Variants in TMEM116 observed in about 807,000 individuals in gnomAD.
TMEM116 encodes transmembrane protein 116.
A neutral mutation model predicts 44.3 loss-of-function variants in TMEM116; 38 were observed. The observed-to-expected ratio is 0.86, with a 90% confidence interval of 0.66 to 1.12. The LOEUF (loss-of-function observed/expected upper bound fraction) is 1.12. Among genes scored for constraint, TMEM116 ranks in the 50% most tolerant of loss-of-function variants. The pLI, the probability that TMEM116 is intolerant of heterozygous loss-of-function variation, is 0.00. For missense variants in TMEM116, 354 were observed against 401.7 expected, an observed-to-expected ratio of 0.88 and a Z score of 1.01; for synonymous variants, 132 against 144.8, an observed-to-expected ratio of 0.91 and a Z score of 0.64.
chr12:111,978,602 G>A (rs1054725864), intron 4 of TMEM116: 3 of 223,646 alleles, frequency 1.3e-5, no homozygotes, highest in African/African-American at 7.0e-5. Context: ...TAGCTCCTAA[G>A]GGTGGAGGCT....
At position 111,963,731 on chromosome 12, in the gene TMEM116, G is replaced by A. The variant is rs376764220; in HGVS notation, c.211-20362C>T. ...ACCTAATGGAGATGATGGGTAGATG[G>A]GTGCAGCAAACCACCATGGCACATG... On this transcript the variant is annotated intron_variant, in intron 4 of 10. Coordinates refer to ENST00000552374, the MANE Select transcript of TMEM116 (RefSeq NM_001193531.2). 2.0e-5 allele frequency among the ~76,000 whole-genome samples: 3 copies of A among 152,096 alleles called. No individual in the cohort carries two copies. The East Asian group carries it at 5.8e-4, about 29-fold the overall frequency.
Position 111,932,615 on chromosome 12 carries a change from T to C in TMEM116, c.778A>G (p.Lys260Glu), listed in dbSNP as rs146086311. 1,637 of 1,614,162 alleles carry C rather than the reference T, an allele frequency of 1.0e-3. 11 individuals are homozygous for C. In the African/African-American group the frequency reaches 0.018, roughly 17 times the overall value. Residue 260 changes from lysine to glutamate, a missense_variant, in exon 10 of 11, where the codon AAG becomes GAG. Physicochemically the swap from Lys to Glu is moderately conservative, Grantham distance 56. Coordinates refer to ENST00000552374, the MANE Select transcript of TMEM116 (RefSeq NM_001193531.2). ...AGAACATAAAGGGCCATGTGAAGCT[T>C]GGTGTCCTGTGGCTTAGTCAGCTTT... ...IIKLTKPQDT[K>E]LHMALYVLQA...
chr12:111,953,840 T>TGAACAA (rs2136329589), intron 4 of TMEM116, among the ~76,000 whole-genome samples: 2 of 152,298 alleles, frequency 1.3e-5, no homozygotes, highest in South Asian at 4.1e-4. Context: ...CCTCAATAGC[T>TGAACAA]TACTTAGTTC....
intron 4 of TMEM116, among the ~76,000 whole-genome samples, chr12:111,951,058 C>T (rs1353046812): frequency 6.6e-6 from 1 of 152,116 alleles, no homozygotes; most frequent in African/African-American, 2.4e-5. Flanking sequence ...ATACATGCAG[C>T]CAACAAGCAT....
chr12:111,953,156 A>G (rs1358886715), intron 4 of TMEM116, among the ~76,000 whole-genome samples: 1 of 152,168 alleles, frequency 6.6e-6, no homozygotes, highest in Admixed American at 6.5e-5. Context: ...GCAAAATTAA[A>G]CTTAACAATA....
chr12:111,985,331 GC>G (rs945081860), intron 4 of TMEM116, among the ~76,000 whole-genome samples: 1 of 151,794 alleles, frequency 6.6e-6, no homozygotes, highest in African/African-American at 2.4e-5. Context: ...ATAGAATTCA[GC>G]CAAGTAGCCA....
chr12:111,964,207 G>A (rs1407273119), intron 4 of TMEM116, among the ~76,000 whole-genome samples: 1 of 151,416 alleles, frequency 6.6e-6, no homozygotes, highest in Non-Finnish European at 1.5e-5. Context: ...TTGGGAGGCT[G>A]AGGTGGGCGG....
chr12:111,995,068 G>A (rs1416296496), intron 3 of TMEM116, among the ~76,000 whole-genome samples: 1 of 152,118 alleles, frequency 6.6e-6, no homozygotes, highest in Admixed American at 6.5e-5. Context: ...ATCACGCACT[G>A]TTGGCTCATT....
At chr12:111,939,805 G>C (rs2136247372) in intron 5 of TMEM116, among the ~76,000 whole-genome samples, 1 of 152,138 alleles carries the variant, frequency 6.6e-6, no homozygotes, top group Admixed American at 6.6e-5. Flanking sequence ...TCCAGCGTGA[G>C]TGACAGAGTG....
chr12:111,991,667 T>C, intron 4 of TMEM116, 91 bp downstream of exon 4: 2 of 1,282,768 alleles, frequency 1.6e-6, no homozygotes, highest in Non-Finnish European at 2.1e-6. Flanking sequence ...AACAAATACG[T>C]CTCCACTTCC....
chr12:111,936,493 TTCTC>T, intron 8 of TMEM116, 195 bp downstream of exon 8: 1 of 533,108 alleles, frequency 1.9e-6, no homozygotes, highest in Admixed American at 3.8e-5. Flanking sequence ...ACAAGCTCTT[TTCTC>T]TCTCTTATCA....
At chr12:111,960,192 A>C (rs1470463289) in intron 4 of TMEM116, among the ~76,000 whole-genome samples, 1 of 152,186 alleles carries the variant, frequency 6.6e-6, no homozygotes, top group Non-Finnish European at 1.5e-5. Flanking sequence ...CAGGATTAAG[A>C]AACTCACTCA....
At chr12:111,941,740 G>C (rs1014515216) in intron 5 of TMEM116, among the ~76,000 whole-genome samples, 12 of 152,036 alleles carry the variant, frequency 7.9e-5, no homozygotes, top group African/African-American at 2.2e-4. Context: ...CTTAAAGCAA[G>C]AAAGAGTAAG....
chr12:111,987,224 G>A (rs1198664315), intron 4 of TMEM116, among the ~76,000 whole-genome samples: 1 of 152,110 alleles, frequency 6.6e-6, no homozygotes, highest in African/African-American at 2.4e-5. Flanking sequence ...TGGGGAAGGG[G>A]CTGGGCATGG....
At chr12:111,945,343 C>CAAAAA (rs917839133) in intron 4 of TMEM116, among the ~76,000 whole-genome samples, 6 of 33,826 alleles carry the variant, frequency 1.8e-4, no homozygotes, top group East Asian at 5.5e-4. Flanking sequence ...GACTCCATCT[C>CAAAAA]AAAAAAAAAA....
intron 4 of TMEM116, among the ~76,000 whole-genome samples, chr12:111,960,095 T>C (rs912980629): frequency 6.6e-6 from 1 of 152,112 alleles, no homozygotes; most frequent in Non-Finnish European, 1.5e-5. Flanking sequence ...ACCATATAAT[T>C]GGAAATAAAA....
chr12:111,959,858 A>C (rs2074444425), intron 4 of TMEM116, among the ~76,000 whole-genome samples: 1 of 152,222 alleles, frequency 6.6e-6, no homozygotes, highest in Non-Finnish European at 1.5e-5. Context: ...CTCATAAAAC[A>C]AGTTCTTAGG....
At position 111,997,717 on chromosome 12, in the gene TMEM116, GAA is replaced by G. The variant is rs563702631; in HGVS notation, c.79-5830_79-5829del. Reference sequence around the variant, plus strand: ...TTTCTCATATATTTCTCCCAAACCAGAAAAAGAGGTAAGATGCTAATTAATAT... The same window carrying G: ...TTTCTCATATATTTCTCCCAAACCAGAAAGAGGTAAGATGCTAATTAATAT... On this transcript the variant is annotated intron_variant, in intron 3 of 10. Coordinates refer to ENST00000552374, the MANE Select transcript of TMEM116 (RefSeq NM_001193531.2). Among the ~76,000 whole-genome samples, 1,344 of 152,252 alleles carry G rather than the reference GAA, an allele frequency of 8.8e-3. 64 individuals carry two copies. The highest frequency in any genetic ancestry group is 0.079 in the Admixed American group (1,208 of 15,286).
chr12:111,942,847 A>G (rs2072965150), intron 5 of TMEM116, among the ~76,000 whole-genome samples: 1 of 152,034 alleles, frequency 6.6e-6, no homozygotes. Flanking sequence ...AGTGATGTCA[A>G]AAGAATGGAA....
Sources: allele counts gnomAD v4.1 joint callset (sites outside exome capture counted in the v4.1 genomes callset), GRCh38; gene constraint gnomAD v4.1.1; transcripts MANE v1.5; gene names NCBI Gene and HGNC (gene_info 2026-07-23, HGNC 2026-07-21).